DNM3: variants seen among roughly 807,000 people sequenced by gnomAD.
The protein encoded by DNM3 is dynamin 3, also known as dynamin-3.
A neutral mutation model predicts 101.6 loss-of-function variants in DNM3; 47 were observed. The observed-to-expected ratio is 0.46, with a 90% CI of 0.37 to 0.59. The LOEUF is 0.59. DNM3 is among the 20% of genes least tolerant of loss of function. The pLI is 0.00. For missense variants in DNM3, 849 were observed against 1,085.7 expected (o/e 0.78, Z 3.06); for synonymous variants, 385 against 387.9 (o/e 0.99, Z 0.09).
chr1:171,872,439 C>G (rs1294972875), intron 1 of DNM3, among the ~76,000 whole-genome samples: 1 of 152,118 alleles, frequency 6.6e-6, no homozygotes, highest in Non-Finnish European at 1.5e-5. Context: ...ATATACTTTA[C>G]TGGATCTCCT....
intron 6 of DNM3, among the ~76,000 whole-genome samples, chr1:172,034,463 T>G (rs2048824105): frequency 6.6e-6 from 1 of 151,998 alleles, no homozygotes; most frequent in Non-Finnish European, 1.5e-5. Context: ...CTAATATGAT[T>G]AGAAAGATAA....
At chr1:172,033,009 T>C in intron 5 of DNM3, 96 bp from the exon 6 acceptor site, 1 of 1,427,318 alleles carries the variant, frequency 7.0e-7, no homozygotes, top group Non-Finnish European at 9.4e-7. Context: ...AAACTAGTTT[T>C]GCCTTTCTTA....
chr1:171,880,516 C>A (rs1481284147), intron 1 of DNM3, among the ~76,000 whole-genome samples: 1 of 152,110 alleles, frequency 6.6e-6, no homozygotes, highest in East Asian at 1.9e-4. Context: ...GGAGCATAAG[C>A]AACGTTAGTT....
Position 171,996,883 on chromosome 1 carries a change from T to A in DNM3, c.589+7735T>A, listed in dbSNP as rs564795485. Among the ~76,000 whole-genome samples the A allele has an allele frequency of 1.3e-5, 2 of 151,856 alleles. 1 individual carries two copies. Among genetic ancestry groups the A allele is most frequent in the South Asian group, 4.2e-4 (2 of 4,804 alleles). ...GTCTGTTCAAAAAATATAAAAAAAA[T>A]TAGTGGGATGTGGTGGCGCATGCCT... On this transcript the variant is annotated intron_variant, in intron 4 of 20. Transcript: ENST00000627582.
At chr1:171,988,819 T>TAC (rs2045447908) in intron 3 of DNM3, 126 bp from the exon 4 acceptor site, 1 of 743,836 alleles carries the variant, frequency 1.3e-6, no homozygotes, top group Non-Finnish European at 2.1e-6. Flanking sequence ...CTCTTTATTC[T>TAC]ACACACATGG....
intron 10 of DNM3, among the ~76,000 whole-genome samples, chr1:172,057,711 G>A (rs1241667779): frequency 6.6e-6 from 1 of 151,532 alleles, no homozygotes; most frequent in East Asian, 1.9e-4. Flanking sequence ...ACATGGAAAG[G>A]AACAACCGGT....
At chr1:171,858,750 G>A (rs1490433817) in intron 1 of DNM3, among the ~76,000 whole-genome samples, 3 of 152,110 alleles carry the variant, frequency 2.0e-5, no homozygotes, top group African/African-American at 7.2e-5. Flanking sequence ...CTGCAGCTGA[G>A]GATAACGAAT....
At chr1:172,029,951 G>T (rs2048484178) in intron 4 of DNM3, among the ~76,000 whole-genome samples, 1 of 152,190 alleles carries the variant, frequency 6.6e-6, no homozygotes, top group Non-Finnish European at 1.5e-5. Context: ...TGGATAGGAA[G>T]AATCAATATC....
chr1:172,298,675 A>G (rs531858820), intron 15 of DNM3, among the ~76,000 whole-genome samples: 60 of 151,930 alleles, frequency 3.9e-4, no homozygotes, highest in Middle Eastern at 3.4e-3. Context: ...GAAATGGAAC[A>G]CTCCTAAGCC....
chr1:172,230,287 A>G (rs555751459), intron 14 of DNM3, among the ~76,000 whole-genome samples: 99 of 152,344 alleles, frequency 6.5e-4, no homozygotes, highest in African/African-American at 2.1e-3. Context: ...TAACACACCC[A>G]TGAAATTTCA....
chr1:172,412,809 A>C (rs1321211020), downstream of DNM3: 1 of 914,908 alleles, frequency 1.1e-6, no homozygotes, highest in African/African-American at 1.8e-5. Flanking sequence ...CTTTTGATTA[A>C]ATTGTCCCAG....
intron 2 of DNM3, among the ~76,000 whole-genome samples, chr1:171,969,769 G>A (rs1437469214): frequency 1.3e-5 from 2 of 152,108 alleles, no homozygotes; most frequent in East Asian, 3.8e-4. Context: ...TTGAGGTATT[G>A]CTCTCTGGGC....
chr1:172,111,633 A>G (rs2055487469), intron 13 of DNM3, among the ~76,000 whole-genome samples: 1 of 152,224 alleles, frequency 6.6e-6, no homozygotes, highest in African/African-American at 2.4e-5. Context: ...CTTTGAACGA[A>G]TAAGCTGTAA....
chr1:172,158,940 A>G (rs927628996), intron 14 of DNM3, among the ~76,000 whole-genome samples: 1 of 152,092 alleles, frequency 6.6e-6, no homozygotes, highest in Admixed American at 6.6e-5. Flanking sequence ...TGATAAAAAC[A>G]TGCTGGGGAT....
At chr1:172,325,235 G>A (rs560808751) in intron 17 of DNM3, among the ~76,000 whole-genome samples, 1 of 152,106 alleles carries the variant, frequency 6.6e-6, no homozygotes, top group Non-Finnish European at 1.5e-5. Context: ...TGATGCAGAA[G>A]GCTCTTCAGG....
chr1:171,935,329 TTTA>T (rs2041322508), intron 2 of DNM3, among the ~76,000 whole-genome samples: 1 of 152,166 alleles, frequency 6.6e-6, no homozygotes, highest in Non-Finnish European at 1.5e-5. Context: ...TTATAGGACA[TTTA>T]GTACTTAGTA....
intron 13 of DNM3, among the ~76,000 whole-genome samples, chr1:172,119,379 C>A (rs1339099969): frequency 1.3e-5 from 2 of 152,128 alleles, no homozygotes; most frequent in African/African-American, 2.4e-5. Context: ...TGGCATTTGA[C>A]CTTTGACCTT....
At chr1:172,302,157 A>G (rs1250606062) in intron 15 of DNM3, among the ~76,000 whole-genome samples, 1 of 152,228 alleles carries the variant, frequency 6.6e-6, no homozygotes, top group Non-Finnish European at 1.5e-5. Context: ...AAAATGGGAC[A>G]TTCCCGACTA....
chr1:171,928,054 G>T lies in DNM3; in HGVS notation c.235+6233G>T, dbSNP rs184348981. Reference sequence around the variant, plus strand: ...TTTCAGCAAGCCAAGGCTTTGTGCAGGGTTGTTCTTTGAAGCTGACTTCTT... The same window carrying T: ...TTTCAGCAAGCCAAGGCTTTGTGCATGGTTGTTCTTTGAAGCTGACTTCTT... On this transcript the variant is annotated intron_variant, in intron 2 of 20. Transcript: ENST00000627582. Among the ~76,000 whole-genome samples the T allele has an allele frequency of 6.8e-4, 104 of 152,300 alleles. No individual in the cohort carries two copies. In the Middle Eastern group the frequency reaches 0.02, roughly 30 times the overall value.
Sources: gnomAD v4.1 joint callset for allele counts (sites outside exome capture counted in the v4.1 genomes callset) on GRCh38, gnomAD v4.1.1 for gene constraint, MANE v1.5 for transcripts, NCBI Gene and HGNC (gene_info 2026-07-23, HGNC 2026-07-21) for gene names.